CEP41: variants seen among roughly 807,000 people sequenced by gnomAD.
CEP41 encodes the protein centrosomal protein 41, also known as centrosomal protein of 41 kDa.
CEP41 carries 32 observed loss-of-function variants against 44.3 expected under a neutral mutation model. The ratio of observed to expected loss-of-function variants is 0.72; its 90% confidence interval spans 0.54 to 0.97. The LOEUF is 0.97. CEP41 is among the 50% of genes least tolerant of loss of function. The pLI is 0.00. For missense variants in CEP41, 432 were observed against 455.2 expected (o/e 0.95, Z 0.46); for synonymous variants, 151 against 168.5 (o/e 0.90, Z 0.80).
chr7:130,417,277 C>T, intron 2 of CEP41: 2 of 1,164,780 alleles, frequency 1.7e-6, no homozygotes, highest in South Asian at 4.2e-5. Flanking sequence ...CTAGGCTTTC[C>T]TCCTCCTTTT....
chr7:130,397,139 G>T lies in CEP41; in HGVS notation c.*1752C>A, dbSNP rs1796687076. ...TGCATTTTTCTATCTATGCTGTAAA[G>T]AAAATACAAAGCCAGAGCATTTTGG... is the stretch of plus-strand genomic sequence containing the variant. On this transcript the variant is annotated 3_prime_UTR_variant, in exon 11 of 11. Coordinates refer to ENST00000223208, the MANE Select transcript of CEP41 (RefSeq NM_018718.3). 2.2e-6 allele frequency: 1 copy of T among 454,358 alleles called. No homozygotes were observed. The highest frequency in any genetic ancestry group is 2.4e-5 in the Admixed American group (1 of 42,548). The allele number at this position is 454,358 out of a possible 1,614,324, so 28.1% of individuals were successfully genotyped here.
In CEP41 at chr7:130,416,879, T is replaced by C. The variant is rs782008968; in HGVS notation, c.145+40A>G. The C allele has an allele frequency of 4.1e-6, 6 of 1,449,456 alleles. No individual in the cohort carries two copies. In the South Asian group the frequency reaches 6.8e-5, roughly 17 times the overall value. 89.8% of individuals were successfully genotyped at this position (1,449,456 alleles called of 1,614,324 possible). A position where few individuals can be genotyped will look rare whatever the true frequency, so the allele number is the denominator to read the frequency against. ...TAAGAACCAATTTATAGAACAACTA[T>C]AGACTTCCACTCTCCCAAACCATCA... On this transcript the variant is annotated intron_variant, in intron 3 of 10. Transcript: ENST00000223208.
At position 130,432,570 on chromosome 7, in the gene CEP41, A is replaced by G. The variant is rs190330290; in HGVS notation, c.34-4552T>C. 1.3e-4 allele frequency among the ~76,000 whole-genome samples: 19 copies of G among 145,486 alleles called. No homozygotes were observed. In the East Asian group the frequency reaches 3.5e-3, roughly 27 times the overall value. On this transcript the variant is annotated intron_variant, in intron 1 of 10. Coordinates refer to ENST00000223208, the MANE Select transcript of CEP41 (RefSeq NM_018718.3). ...AGTTCAAGACCAGCCTGGGCAACAC[A>G]GGGAAACTTTGTTTCCACAAAAAAA...
intron 1 of CEP41, among the ~76,000 whole-genome samples, chr7:130,436,975 GT>G (rs1797985621): frequency 6.6e-6 from 1 of 152,178 alleles, no homozygotes; most frequent in Non-Finnish European, 1.5e-5. Context: ...GGAGGCGGAG[GT>G]TGTAGTGAGC....
chr7:130,416,786 C>G, intron 3 of CEP41, 133 bp downstream of exon 3: 1 of 773,150 alleles, frequency 1.3e-6, no homozygotes, highest in Non-Finnish European at 2.3e-6. Context: ...GCCCTTGAGG[C>G]ACCTGCTAGG....
chr7:130,429,488 G>A (rs1554424595), intron 1 of CEP41, among the ~76,000 whole-genome samples: 1 of 152,158 alleles, frequency 6.6e-6, no homozygotes, highest in African/African-American at 2.4e-5. Context: ...TTTTGCTCAG[G>A]CCTTTTTCTG....
intron 2 of CEP41, among the ~76,000 whole-genome samples, chr7:130,422,506 G>A (rs782522286): frequency 1.3e-5 from 2 of 152,150 alleles, no homozygotes; most frequent in Admixed American, 6.5e-5. Flanking sequence ...CTAAAGGGCT[G>A]CAGGGATCTG....
At chr7:130,425,931 T>C (rs782692455) in intron 2 of CEP41, among the ~76,000 whole-genome samples, 19 of 152,230 alleles carry the variant, frequency 1.2e-4, no homozygotes, top group Non-Finnish European at 1.6e-4. Context: ...TTATACAGCA[T>C]TTGTGAAATG....
chr7:130,425,423 A>C (rs1329410544), intron 2 of CEP41, among the ~76,000 whole-genome samples: 13 of 152,202 alleles, frequency 8.5e-5, no homozygotes, highest in African/African-American at 2.9e-4. Flanking sequence ...AAAAAACAAA[A>C]CAAACCAAAA....
At position 130,396,105 on chromosome 7, in the gene CEP41, T is replaced by C; in HGVS notation, c.*2786A>G. 1 of 454,088 alleles carries C rather than the reference T, an allele frequency of 2.2e-6. No individual in the cohort carries two copies. Among genetic ancestry groups the C allele is most frequent in the South Asian group, 1.6e-5 (1 of 64,466 alleles). The allele number at this position is 454,088 out of a possible 1,614,324, so 28.1% of individuals were successfully genotyped here. On this transcript the variant is annotated 3_prime_UTR_variant, in exon 11 of 11. Transcript: ENST00000223208. ...TTCTTTCTCCCTTCCTTTCTTTTTT[T>C]CTTTTCTCCCTTCCTTAAACACAAA...
rs187549864 is a variant in CEP41 at position 130,394,675 on chromosome 7, G to A, written c.*4216C>T. ...GGACAGAAGATAACGAGCTTTCTGG[G>A]TCTCCAGAATGACAGACTAGCACTG... On this transcript the variant is annotated 3_prime_UTR_variant, in exon 11 of 11. Coordinates refer to ENST00000223208, the MANE Select transcript of CEP41 (RefSeq NM_018718.3). 496 of 454,070 alleles carry A rather than the reference G, an allele frequency of 1.1e-3. 2 individuals are homozygous for A. The highest frequency in any genetic ancestry group is 2.3e-3 in the Admixed American group (97 of 42,572). 28.1% of individuals were successfully genotyped at this position (454,070 alleles called of 1,614,324 possible).
chr7:130,393,897 AT>A lies in CEP41; in HGVS notation c.*4993del. 1 of 454,122 alleles carries A rather than the reference AT, an allele frequency of 2.2e-6. No homozygotes were observed. The highest frequency in any genetic ancestry group is 4.4e-6 in the Non-Finnish European group (1 of 226,790). 28.1% of individuals were successfully genotyped at this position (454,122 alleles called of 1,614,324 possible). A position where few individuals can be genotyped will look rare whatever the true frequency, so the allele number is the denominator to read the frequency against. On this transcript the variant is annotated 3_prime_UTR_variant, in exon 11 of 11. Coordinates refer to ENST00000223208, the MANE Select transcript of CEP41 (RefSeq NM_018718.3). ...TTAAGTGGTACTTTGCAAGGTGTCCATTAACAGACAAAATAACCTCGGAAGC... is the reference window on the plus strand; with the variant it reads ...TTAAGTGGTACTTTGCAAGGTGTCCATAACAGACAAAATAACCTCGGAAGC...
upstream of CEP41, chr7:130,441,279 C>G: frequency 2.9e-6 from 1 of 349,684 alleles, no homozygotes; most frequent in Non-Finnish European, 5.5e-6. Flanking sequence ...AGGCTGGCGC[C>G]TGCGCAAAGC....
At chr7:130,421,850 A>G in intron 2 of CEP41, 2 of 1,455,704 alleles carry the variant, frequency 1.4e-6, no homozygotes, top group Admixed American at 2.4e-5. Flanking sequence ...ATCAGCCTGC[A>G]GTGCTGCAAA....
chr7:130,418,036 T>C lies in CEP41; in HGVS notation c.98-1070A>G, dbSNP rs1184485600. ...CAAAAAAACAACTTATTTCATTGGC[T>C]ATTATTAAATCTTTACCATGAATTC... On this transcript the variant is annotated intron_variant, in intron 2 of 10. Coordinates refer to ENST00000223208, the MANE Select transcript of CEP41 (RefSeq NM_018718.3). 2.0e-5 allele frequency among the ~76,000 whole-genome samples: 3 copies of C among 152,270 alleles called. No homozygotes were observed. In the East Asian group the frequency reaches 5.8e-4, roughly 29 times the overall value.
At position 130,394,161 on chromosome 7, in the gene CEP41, C is replaced by T; in HGVS notation, c.*4730G>A. On this transcript the variant is annotated 3_prime_UTR_variant, in exon 11 of 11. Coordinates refer to ENST00000223208, the MANE Select transcript of CEP41 (RefSeq NM_018718.3). ...ATCACCAAAGGAGAACATGGTTGTG[C>T]CCACCCAGAGTGAGAAGCATAGAGC... 1 of 454,078 alleles carries T rather than the reference C, an allele frequency of 2.2e-6. No individual in the cohort carries two copies. The highest frequency in any genetic ancestry group is 1.6e-5 in the South Asian group (1 of 64,462). The allele number at this position is 454,078 out of a possible 1,614,324, so 28.1% of individuals were successfully genotyped here.
chr7:130,398,906 G>C lies in CEP41; in HGVS notation c.1107C>G (p.Gly369=). ...PRSLSSGHLQ[G]KPWK is the part of the protein sequence containing the mutation. ...GACAAAGTCTTTACTTCCAGGGTTTGCCTTGCAGGTGACCACTGCTGAGGG... is the reference window on the plus strand; with the variant it reads ...GACAAAGTCTTTACTTCCAGGGTTTCCCTTGCAGGTGACCACTGCTGAGGG... Residue 369 remains glycine, a synonymous_variant, in exon 11 of 11, where the codon GGC becomes GGG. Transcript: ENST00000223208. 6 of 1,614,272 alleles carry C rather than the reference G, an allele frequency of 3.7e-6. No individual in the cohort carries two copies. The highest frequency in any genetic ancestry group is 5.1e-6 in the Non-Finnish European group (6 of 1,180,050).
In CEP41 at chr7:130,395,998, A is replaced by G; in HGVS notation, c.*2893T>C. 3 of 453,980 alleles carry G rather than the reference A, an allele frequency of 6.6e-6. No homozygotes were observed. Among genetic ancestry groups the G allele is most frequent in the South Asian group, 1.6e-5 (1 of 64,442 alleles). 28.1% of individuals were successfully genotyped at this position (453,980 alleles called of 1,614,324 possible). Reference sequence around the variant, plus strand: ...CCCAGGGTGTTCCTTTTGTTTTCAAATAAGTAATGTAGCTTTCTCCTTTCT... The same window carrying G: ...CCCAGGGTGTTCCTTTTGTTTTCAAGTAAGTAATGTAGCTTTCTCCTTTCT... On this transcript the variant is annotated 3_prime_UTR_variant, in exon 11 of 11. Coordinates refer to ENST00000223208, the MANE Select transcript of CEP41 (RefSeq NM_018718.3).
At chr7:130,434,755 T>C (rs1478381335) in intron 1 of CEP41, among the ~76,000 whole-genome samples, 1 of 152,196 alleles carries the variant, frequency 6.6e-6, no homozygotes, top group African/African-American at 2.4e-5. Context: ...CTGTTTTATA[T>C]GAAAAATATG....
Sources: gnomAD v4.1 joint callset for allele counts (sites outside exome capture counted in the v4.1 genomes callset) on GRCh38, gnomAD v4.1.1 for gene constraint, MANE v1.5 for transcripts, NCBI Gene and HGNC (gene_info 2026-07-23, HGNC 2026-07-21) for gene names.